Variants in FASTKD1 observed in about 807,000 individuals in gnomAD.
FASTKD1 encodes FAST kinase domains 1.
Under a neutral mutation model 90.9 loss-of-function variants are expected in FASTKD1, and 94 were observed. The observed-to-expected ratio is 1.03, with a 90% CI of 0.88 to 1.23. The LOEUF is 1.23. Ranked by LOEUF, FASTKD1 falls within the 50% of genes most tolerant of loss-of-function variation. The pLI is 0.00. For missense variants in FASTKD1, 945 were observed against 993.5 expected, an observed-to-expected ratio of 0.95 and a Z score of 0.66; for synonymous variants, 319 against 345.8, an observed-to-expected ratio of 0.92 and a Z score of 0.86.
chr2:169,531,127 G>A (rs1684466053), intron 13 of FASTKD1: 4 of 748,854 alleles, frequency 5.3e-6, no homozygotes, highest in Non-Finnish European at 7.4e-6. Context: ...TTCCAGTGGA[G>A]GACAATTCTT....
chr2:169,571,976 T>C lies in FASTKD1; in HGVS notation c.54A>G (p.Leu18=), dbSNP rs776528043. 4 of 1,611,672 alleles carry C rather than the reference T, an allele frequency of 2.5e-6. No individual in the cohort carries two copies. The African/African-American group carries it at 5.3e-5, about 22-fold the overall frequency. The part of the protein sequence containing the change: ...LESLVTNMLR[L]RAICPFSWRV... ...TCCAGGAGAATGGACAAATAGCTCT[T>C]AGACGAAGCATATTTGTAACCAATG... Residue 18 remains leucine (L), a synonymous_variant, in exon 2 of 15, where the codon CTA becomes CTG. Coordinates refer to ENST00000453153, the MANE Select transcript of FASTKD1 (RefSeq NM_024622.6).
chr2:169,555,974 A>G (rs1472638010), intron 6 of FASTKD1, among the ~76,000 whole-genome samples: 1 of 152,194 alleles, frequency 6.6e-6, no homozygotes, highest in Non-Finnish European at 1.5e-5. Flanking sequence ...CAGGAGTTCA[A>G]GATCAGACTG....
Position 169,528,833 on chromosome 2 carries a change from C to CGAT in FASTKD1, c.*991_*992insATC, listed in dbSNP as rs1574357679. Among the ~76,000 whole-genome samples, 2 of 152,082 alleles carry CGAT rather than the reference C, an allele frequency of 1.3e-5. No homozygotes were observed. Among genetic ancestry groups the CGAT allele is most frequent in the Non-Finnish European group, 2.9e-5 (2 of 68,016 alleles). On this transcript the variant is annotated 3_prime_UTR_variant, in exon 15 of 15. Transcript: ENST00000453153. Reference sequence around the variant, plus strand: ...CACCTCCCCCTTGAAATGCTTTATCCACTTGGCTTCTAGGAAGTATTACTT... The same window carrying CGAT: ...CACCTCCCCCTTGAAATGCTTTATCCGATACTTGGCTTCTAGGAAGTATTACTT...
At chr2:169,554,910 A>G (rs967186457) in intron 7 of FASTKD1, among the ~76,000 whole-genome samples, 9 of 152,272 alleles carry the variant, frequency 5.9e-5, no homozygotes, top group Admixed American at 5.2e-4. Context: ...CCCCTAGGGA[A>G]CTCATCACCC....
intron 3 of FASTKD1, among the ~76,000 whole-genome samples, chr2:169,568,256 A>C (rs2683445): frequency 0.89 from 134,846 of 152,108 alleles, 59,965 homozygotes; most frequent in East Asian, 0.98. Flanking sequence ...TTCCTCTCTA[A>C]TAAACTAGGG....
intron 12 of FASTKD1, 70 bp downstream of exon 12, chr2:169,537,157 C>G: frequency 1.1e-6 from 1 of 924,874 alleles, no homozygotes; most frequent in Non-Finnish European, 1.7e-6. Flanking sequence ...AAAATTCCAA[C>G]TGATAAGATG....
intron 7 of FASTKD1, among the ~76,000 whole-genome samples, chr2:169,549,779 T>C (rs1685409524): frequency 6.6e-6 from 1 of 152,174 alleles, no homozygotes; most frequent in South Asian, 2.1e-4. Context: ...TTAAAATATT[T>C]AAATTAGCAT....
At chr2:169,548,766 TAGA>T (rs1685343488) in intron 7 of FASTKD1, among the ~76,000 whole-genome samples, 2 of 133,608 alleles carry the variant, frequency 1.5e-5, no homozygotes, top group African/African-American at 5.6e-5. Context: ...ACTTTAGGTA[TAGA>T]AGTAGTGGAA....
In FASTKD1 at chr2:169,546,442, G is replaced by A. The variant is rs1685202012; in HGVS notation, c.1477C>T (p.His493Tyr). ...LDHYGRQRLQ[H>Y]SNSLDLLRKE... ...CGTAACAGATCCAAACTGTTGCTGT[G>A]TTGTAGTCTCTGACGACCATAGTGA... Residue 493 changes from histidine (H) to tyrosine (Y), a missense_variant, in exon 8 of 15, where the codon CAC (histidine) becomes TAC (tyrosine). Coordinates refer to ENST00000453153, the MANE Select transcript of FASTKD1 (RefSeq NM_024622.6). 6.2e-7 allele frequency: 1 copy of A among 1,614,048 alleles called. No homozygotes were observed. The highest frequency in any genetic ancestry group is 8.5e-7 in the Non-Finnish European group (1 of 1,180,028).
At chr2:169,549,830 G>A (rs1685411389) in intron 7 of FASTKD1, among the ~76,000 whole-genome samples, 1 of 152,166 alleles carries the variant, frequency 6.6e-6, no homozygotes, top group Admixed American at 6.5e-5. Context: ...GTTAGCAAGG[G>A]TGTACTGATA....
At position 169,561,995 on chromosome 2, in the gene FASTKD1, T is replaced by A. The variant is rs1180755538; in HGVS notation, c.573-1210A>T. Among the ~76,000 whole-genome samples the A allele has an allele frequency of 1.6e-5, 2 of 122,096 alleles. 1 individual carries two copies. The highest frequency in any genetic ancestry group is 0.014 in the Middle Eastern group (2 of 144). The allele number at this position is 122,096 out of a possible 152,430, so 80.1% of individuals were successfully genotyped here. A position where few individuals can be genotyped will look rare whatever the true frequency, so the allele number is the denominator to read the frequency against. On this transcript the variant is annotated intron_variant, in intron 4 of 14. Transcript: ENST00000453153. The stretch of plus-strand genomic sequence containing the variant: ...TAATTATTCATTAATTTATTGTAAA[T>A]TAATTATTCATTAATTTATTGTAAA...
intron 13 of FASTKD1, chr2:169,531,090 G>A (rs1168116000): frequency 1.4e-6 from 1 of 707,586 alleles, no homozygotes; most frequent in Non-Finnish European, 2.6e-6. Flanking sequence ...GAGAGGTATG[G>A]GAGCGCAAAA....
At chr2:169,533,258 T>A (rs944167710) in intron 12 of FASTKD1, among the ~76,000 whole-genome samples, 5 of 152,236 alleles carry the variant, frequency 3.3e-5, no homozygotes, top group Non-Finnish European at 7.3e-5. Context: ...TTATGTTTTT[T>A]AAGTCATTCT....
At chr2:169,551,420 T>C (rs954783156) in intron 7 of FASTKD1, among the ~76,000 whole-genome samples, 1 of 152,218 alleles carries the variant, frequency 6.6e-6, no homozygotes, top group South Asian at 2.1e-4. Context: ...AATTTTGTTA[T>C]ATTCTTACAA....
chr2:169,537,878 T>C, intron 11 of FASTKD1, 135 bp downstream of exon 11: 1 of 662,334 alleles, frequency 1.5e-6, no homozygotes, highest in Non-Finnish European at 2.5e-6. Context: ...CAATATCTCA[T>C]ATAAAATATT....
chr2:169,537,383 T>C (rs756831991), intron 11 of FASTKD1, 43 bp from the exon 12 acceptor site: 3 of 1,356,008 alleles, frequency 2.2e-6, no homozygotes, highest in South Asian at 1.3e-5. Context: ...ATCTTTTTTT[T>C]CTTTTTTTTT....
chr2:169,567,258 A>G (rs2683444), intron 3 of FASTKD1, among the ~76,000 whole-genome samples: 134,967 of 152,264 alleles, frequency 0.89, 60,019 homozygotes, highest in East Asian at 0.98. Flanking sequence ...TACAGTAATT[A>G]TAAAACACAA....
At chr2:169,553,576 T>C (rs1432330850) in intron 7 of FASTKD1, among the ~76,000 whole-genome samples, 1 of 152,174 alleles carries the variant, frequency 6.6e-6, no homozygotes, top group African/African-American at 2.4e-5. Flanking sequence ...ATCACTTTAT[T>C]ATAATAAAAA....
rs58560988 is a variant in FASTKD1 at position 169,548,731 on chromosome 2, C to CAAA, written c.1215-2030_1215-2028dup. On this transcript the variant is annotated intron_variant, in intron 7 of 14. Transcript: ENST00000453153. ...TGGGTGACAGAGCAAGACTCCGCCT[C>CAAA]AAAAAAAAAAAAAAAAAAAAAAAAA... Among the ~76,000 whole-genome samples, 88 of 35,594 alleles carry CAAA rather than the reference C, an allele frequency of 2.5e-3. 1 individual carries two copies. Among genetic ancestry groups the CAAA allele is most frequent in the East Asian group, 0.014 (15 of 1,060 alleles). 23.4% of individuals were successfully genotyped at this position (35,594 alleles called of 152,430 possible).
Sources: gnomAD v4.1 joint callset for allele counts (sites outside exome capture counted in the v4.1 genomes callset) on GRCh38, gnomAD v4.1.1 for gene constraint, MANE v1.5 for transcripts, NCBI Gene and HGNC (gene_info 2026-07-23, HGNC 2026-07-21) for gene names.